The following SMURF2 variants were observed in gnomAD, a reference collection of about 807,000 sequenced individuals.
SMURF2 encodes SMAD specific E3 ubiquitin protein ligase 2.
Under a neutral mutation model 109.6 loss-of-function variants are expected in SMURF2, and 48 were observed. The observed-to-expected ratio is 0.44, with a 90% CI of 0.35 to 0.56. The LOEUF is 0.56. SMURF2 is among the 20% of genes least tolerant of loss of function. The pLI is 0.01. For missense variants in SMURF2, 575 were observed against 909.0 expected (o/e 0.63, Z 4.72); for synonymous variants, 288 against 317.1 (o/e 0.91, Z 0.97).
At position 64,581,086 on chromosome 17, in the gene SMURF2, A is replaced by G. The variant is rs1228231898; in HGVS notation, c.570-95T>C. ...ATATATACTGCAGTAACAACCACTT[A>G]TCATGTCTGAAAACAGAATGACTAA... On this transcript the variant is annotated intron_variant, in intron 7 of 18. Coordinates refer to ENST00000262435, the MANE Select transcript of SMURF2 (RefSeq NM_022739.4). The surrounding 1 kb of genome is among the most constrained non-coding windows in gnomAD (Gnocchi z 4.3). 18 of 1,084,350 alleles carry G rather than the reference A, an allele frequency of 1.7e-5. No individual in the cohort carries two copies. In the Middle Eastern group the frequency reaches 8.9e-4, roughly 54 times the overall value. 67.2% of individuals were successfully genotyped at this position (1,084,350 alleles called of 1,614,324 possible).
At chr17:64,648,200 C>T (rs1970587614) in intron 1 of SMURF2, among the ~76,000 whole-genome samples, 1 of 149,202 alleles carries the variant, frequency 6.7e-6, no homozygotes, top group East Asian at 2.0e-4. Context: ...AGACTACTTA[C>T]ATGTGACTTT....
At chr17:64,617,260 C>T (rs1970139623) in intron 1 of SMURF2, among the ~76,000 whole-genome samples, 1 of 151,946 alleles carries the variant, frequency 6.6e-6, no homozygotes, top group African/African-American at 2.4e-5. Context: ...AAGTAAATAT[C>T]TTGTCATTTA....
intron 5 of SMURF2, among the ~76,000 whole-genome samples, chr17:64,590,724 T>C (rs1555687633): frequency 6.6e-6 from 1 of 152,202 alleles, no homozygotes; most frequent in East Asian, 1.9e-4. Context: ...GCATTAAACA[T>C]TAAAACAAGT....
At chr17:64,600,262 C>A (rs1366881334) in intron 2 of SMURF2, among the ~76,000 whole-genome samples, 2 of 152,076 alleles carry the variant, frequency 1.3e-5, no homozygotes, top group Non-Finnish European at 1.5e-5. Flanking sequence ...AAACTTGTAT[C>A]AAAGATGACA....
At chr17:64,551,019 G>T (rs1969037234) in intron 16 of SMURF2, among the ~76,000 whole-genome samples, 1 of 152,032 alleles carries the variant, frequency 6.6e-6, no homozygotes, top group East Asian at 1.9e-4. Flanking sequence ...TTTAAAACAA[G>T]AAAGTACAGG....
At chr17:64,639,381 G>C (rs913349735) in intron 1 of SMURF2, among the ~76,000 whole-genome samples, 1 of 151,836 alleles carries the variant, frequency 6.6e-6, no homozygotes, top group Non-Finnish European at 1.5e-5. Context: ...GTTCCAGACC[G>C]GCCTGACCAA....
At chr17:64,645,466 T>C (rs1231722440) in intron 1 of SMURF2, among the ~76,000 whole-genome samples, 2 of 152,146 alleles carry the variant, frequency 1.3e-5, no homozygotes, top group African/African-American at 2.4e-5. Context: ...GGCAGGAGGA[T>C]AGGTTGAGCC....
chr17:64,637,575 T>C (rs551765702), intron 1 of SMURF2, among the ~76,000 whole-genome samples: 5 of 152,144 alleles, frequency 3.3e-5, no homozygotes, highest in South Asian at 2.1e-4. Context: ...ATTATTATTA[T>C]TTTCTTGAGA....
intron 1 of SMURF2, among the ~76,000 whole-genome samples, chr17:64,620,379 A>C (rs1970185629): frequency 6.6e-6 from 1 of 152,208 alleles, no homozygotes; most frequent in Non-Finnish European, 1.5e-5. Context: ...GAGTTTAGGC[A>C]TTGTGAATTC....
chr17:64,637,459 C>T (rs972188063), intron 1 of SMURF2, among the ~76,000 whole-genome samples: 14 of 152,040 alleles, frequency 9.2e-5, no homozygotes, highest in Non-Finnish European at 1.8e-4. Context: ...TGCATTGTTA[C>T]ATTTAGTCTT....
In SMURF2 at chr17:64,542,467, A is replaced by G. The variant is rs2144574547; in HGVS notation, c.*3381T>C. 6.6e-6 allele frequency: 1 copy of G among 152,324 alleles called. No homozygotes were observed. The highest frequency in any genetic ancestry group is 1.5e-5 in the Non-Finnish European group (1 of 68,028). 9.4% of individuals were successfully genotyped at this position (152,324 alleles called of 1,614,324 possible). A position where few individuals can be genotyped will look rare whatever the true frequency, so the allele number is the denominator to read the frequency against. On this transcript the variant is annotated 3_prime_UTR_variant, in exon 19 of 19. Coordinates refer to ENST00000262435, the MANE Select transcript of SMURF2 (RefSeq NM_022739.4). ...CTAAAACACTCTGTAATAAATACAA[A>G]TACAATGAAAATGATAAAACTTTGT... is the stretch of plus-strand genomic sequence containing the variant.
At chr17:64,653,710 AG>A (rs1312850458) in intron 1 of SMURF2, among the ~76,000 whole-genome samples, 1 of 152,200 alleles carries the variant, frequency 6.6e-6, no homozygotes, top group Non-Finnish European at 1.5e-5. Flanking sequence ...ATTTTTAAAA[AG>A]TTAAAATGCA....
At chr17:64,560,882 CTT>C (rs1969204362) in intron 12 of SMURF2, 1 of 145,188 alleles carries the variant, frequency 6.9e-6, no homozygotes, top group African/African-American at 2.6e-5. Context: ...GGGAGGCTCT[CTT>C]GAGCCCAGGA....
At chr17:64,585,381 C>T (rs1234855671) in intron 6 of SMURF2, among the ~76,000 whole-genome samples, 4 of 152,042 alleles carry the variant, frequency 2.6e-5, no homozygotes, top group African/African-American at 4.8e-5. Context: ...ATTTACTAAG[C>T]GCTTATTTTA....
At chr17:64,565,727 G>A (rs1448879199) in intron 10 of SMURF2, among the ~76,000 whole-genome samples, 1 of 151,976 alleles carries the variant, frequency 6.6e-6, no homozygotes, top group Non-Finnish European at 1.5e-5. Flanking sequence ...TCTCACTGAT[G>A]AGAAAGAGGT....
At chr17:64,578,696 T>C (rs1362617375) in intron 8 of SMURF2, 120 bp from the exon 9 acceptor site, 1 of 638,346 alleles carries the variant, frequency 1.6e-6, no homozygotes, top group Admixed American at 3.2e-5. Flanking sequence ...TCTATTTTAT[T>C]TATTATCAAA....
intron 1 of SMURF2, among the ~76,000 whole-genome samples, chr17:64,608,451 G>T (rs1307824364): frequency 6.6e-6 from 1 of 151,992 alleles, no homozygotes; most frequent in Non-Finnish European, 1.5e-5. Flanking sequence ...GAAAACTAGG[G>T]CCATAACTAA....
At chr17:64,600,584 G>C (rs1307289803) in intron 2 of SMURF2, among the ~76,000 whole-genome samples, 1 of 152,132 alleles carries the variant, frequency 6.6e-6, no homozygotes, top group East Asian at 1.9e-4. Flanking sequence ...AAATAATAAA[G>C]GAGGACCAAA....
At chr17:64,555,137 T>C in intron 14 of SMURF2, 144 bp from the exon 15 acceptor site, 1 of 733,724 alleles carries the variant, frequency 1.4e-6, no homozygotes, top group South Asian at 2.4e-5. Context: ...CACCTAGTTC[T>C]TTCTGGACAG....
Sources: gnomAD v4.1 joint callset for allele counts (sites outside exome capture counted in the v4.1 genomes callset) on GRCh38, gnomAD v4.1.1 for gene constraint, Gnocchi (gnomAD v3.1) non-coding constraint, MANE v1.5 for transcripts, NCBI Gene and HGNC (gene_info 2026-07-23, HGNC 2026-07-21) for gene names.